SLC5A1: variants seen among roughly 807,000 people sequenced by gnomAD.
SLC5A1 encodes the protein sodium/glucose cotransporter 1.
In SLC5A1, 42 loss-of-function variants were observed where a neutral mutation model predicts 73.5. The ratio of observed to expected loss-of-function variants is 0.57; its 90% CI spans 0.45 to 0.74. The LOEUF (loss-of-function observed/expected upper bound fraction) is 0.74. Ranked by LOEUF, SLC5A1 falls within the 30% of genes least tolerant of loss-of-function variation. The pLI is 0.00. For missense variants in SLC5A1, 634 were observed against 855.4 expected, an observed-to-expected ratio of 0.74 and a Z score of 3.23; for synonymous variants, 300 against 317.4, an observed-to-expected ratio of 0.95 and a Z score of 0.58.
intron 2 of SLC5A1, among the ~76,000 whole-genome samples, chr22:32,052,208 G>A (rs561838882): frequency 3.3e-4 from 50 of 152,222 alleles, no homozygotes; most frequent in African/African-American, 1.2e-3. Flanking sequence ...AAATTTATGA[G>A]GCCAATTGGT....
rs540736998 is a variant in SLC5A1, at chr22:32,112,309, C to T, written c.*2096C>T. On this transcript the variant is annotated 3_prime_UTR_variant, in exon 15 of 15. Coordinates refer to ENST00000266088, the MANE Select transcript of SLC5A1 (RefSeq NM_000343.4). The stretch of plus-strand genomic sequence containing the variant: ...GACATTCTGCAGCAGGGAGGAGGGA[C>T]TGTCAACCCCTACACCATGACCACC... The T allele has an allele frequency of 1.3e-5, 2 of 152,262 alleles. No individual in the cohort carries two copies. Among genetic ancestry groups the T allele is most frequent in the South Asian group, 2.1e-4 (1 of 4,822 alleles). 9.4% of individuals were successfully genotyped at this position (152,262 alleles called of 1,614,324 possible).
Position 32,099,105 on chromosome 22 carries a change from AAT to A in SLC5A1, c.1281-52_1281-51del, listed in dbSNP as rs765568860. Reference sequence around the variant, plus strand: ...GTCTCAAAAAAAAAAAAAAAAAAAAAATATATATATATATATATATATATATA... The same window carrying A: ...GTCTCAAAAAAAAAAAAAAAAAAAAAATATATATATATATATATATATATA... On this transcript the variant is annotated intron_variant, in intron 11 of 14. Coordinates refer to ENST00000266088, the MANE Select transcript of SLC5A1 (RefSeq NM_000343.4). 248 of 57,616 alleles carry A rather than the reference AAT, an allele frequency of 4.3e-3. 6 individuals are homozygous for A. The highest frequency in any genetic ancestry group is 0.019 in the Middle Eastern group (2 of 106). 3.6% of individuals were successfully genotyped at this position (57,616 alleles called of 1,614,324 possible). A position where few individuals can be genotyped will look rare whatever the true frequency, so the allele number is the denominator to read the frequency against.
At position 32,043,509 on chromosome 22, in the gene SLC5A1, G is replaced by C. The variant is rs1422941862; in HGVS notation, c.135+93G>C. The C allele has an allele frequency of 7.3e-7, 1 of 1,366,316 alleles. No individual in the cohort carries two copies. The highest frequency in any genetic ancestry group is 1.9e-5 in the Admixed American group (1 of 52,712). The allele number at this position is 1,366,316 out of a possible 1,614,324, so 84.6% of individuals were successfully genotyped here. Reference sequence around the variant, plus strand: ...GCTGCAAGGGGCAGTAGGCTTAAGTGTCGGTGGAGGGGAGAGGAAATGACT... The same window carrying C: ...GCTGCAAGGGGCAGTAGGCTTAAGTCTCGGTGGAGGGGAGAGGAAATGACT... On this transcript the variant is annotated intron_variant, in intron 1 of 14. Coordinates refer to ENST00000266088, the MANE Select transcript of SLC5A1 (RefSeq NM_000343.4). The surrounding 1 kb of genome is among the most constrained non-coding windows in gnomAD (Gnocchi z 6.5).
chr22:32,102,296 AT>A (rs530224185), intron 13 of SLC5A1, 59 bp downstream of exon 13: 25 of 1,331,362 alleles, frequency 1.9e-5, no homozygotes, highest in Non-Finnish European at 2.2e-5. Flanking sequence ...ATGTTCTTTA[AT>A]TTTTTTTAAA....
intron 11 of SLC5A1, among the ~76,000 whole-genome samples, chr22:32,093,923 T>C (rs1376503513): frequency 6.6e-6 from 1 of 152,204 alleles, no homozygotes; most frequent in African/African-American, 2.4e-5. Context: ...CTTGTTCCAA[T>C]TCTCAGAGGG....
At chr22:32,047,896 C>T (rs189877957) in intron 1 of SLC5A1, among the ~76,000 whole-genome samples, 4 of 152,250 alleles carry the variant, frequency 2.6e-5, no homozygotes, top group Admixed American at 2.0e-4. Context: ...CATGGTGGCT[C>T]ATGCCTGTAA....
intron 14 of SLC5A1, among the ~76,000 whole-genome samples, chr22:32,105,418 T>C (rs1229107931): frequency 1.3e-5 from 2 of 151,738 alleles, no homozygotes; most frequent in East Asian, 3.9e-4. Context: ...CTCAGCCTCC[T>C]GAGTAGCTGG....
At chr22:32,082,990 T>G in intron 6 of SLC5A1, 84 bp from the exon 7 acceptor site, 2 of 1,220,542 alleles carry the variant, frequency 1.6e-6, no homozygotes, top group Non-Finnish European at 1.2e-6. Context: ...CCAGCAGAAG[T>G]AGAGGGTGGA....
At chr22:32,084,227 A>G (rs1357788367) in intron 7 of SLC5A1, among the ~76,000 whole-genome samples, 2 of 152,272 alleles carry the variant, frequency 1.3e-5, no homozygotes, top group Admixed American at 6.5e-5. Context: ...GGTCCCCATA[A>G]TAGCCCCCAA....
At chr22:32,045,447 T>C (rs2093935948) in intron 1 of SLC5A1, among the ~76,000 whole-genome samples, 1 of 152,230 alleles carries the variant, frequency 6.6e-6, no homozygotes, top group South Asian at 2.1e-4. Context: ...ATTGGATTTC[T>C]TCCAGTTTAT....
chr22:32,092,538 A>G (rs2094019709), intron 11 of SLC5A1, among the ~76,000 whole-genome samples: 1 of 152,200 alleles, frequency 6.6e-6, no homozygotes, highest in South Asian at 2.1e-4. Context: ...TGTTTTCCAT[A>G]GTGGTTGTAT....
chr22:32,109,670 G>C (rs1307619450), intron 14 of SLC5A1, among the ~76,000 whole-genome samples: 1 of 152,168 alleles, frequency 6.6e-6, no homozygotes, highest in Non-Finnish European at 1.5e-5. Flanking sequence ...TATTATTAAT[G>C]TGTCTTTATT....
chr22:32,091,877 C>A, intron 11 of SLC5A1, 115 bp downstream of exon 11: 1 of 996,518 alleles, frequency 1.0e-6, no homozygotes, highest in Non-Finnish European at 1.6e-6. Context: ...GGAATAATTT[C>A]TGTGGCTGGT....
chr22:32,043,409 G>T lies in SLC5A1; in HGVS notation c.128G>T (p.Gly43Val). Residue 43 changes from glycine to valine, a missense_variant, in exon 1 of 15, where the codon GGA (glycine) becomes GTA (valine). Transcript: ENST00000266088. The surrounding 1 kb of genome is among the most constrained non-coding windows in gnomAD (Gnocchi z 6.5). ...TACTTCGTGGTAGTGATGGCCGTCG[G>T]ACTGTGGGTATGCAGCGGGTTCTGG... Reference protein sequence around the residue: ...VIYFVVVMAVGLWAMFSTNRG... With the variant: ...VIYFVVVMAVVLWAMFSTNRG... 1 of 1,613,986 alleles carries T rather than the reference G, an allele frequency of 6.2e-7. No homozygotes were observed. Among genetic ancestry groups the T allele is most frequent in the Non-Finnish European group, 8.5e-7 (1 of 1,179,966 alleles).
At chr22:32,107,106 C>T (rs1013952693) in intron 14 of SLC5A1, among the ~76,000 whole-genome samples, 3 of 152,152 alleles carry the variant, frequency 2.0e-5, no homozygotes, top group African/African-American at 7.2e-5. Context: ...ACTGCAAATA[C>T]TGGAGAGAGC....
chr22:32,104,943 A>G lies in SLC5A1; in HGVS notation c.1771+52A>G, dbSNP rs535595773. On this transcript the variant is annotated intron_variant, in intron 14 of 14. Coordinates refer to ENST00000266088, the MANE Select transcript of SLC5A1 (RefSeq NM_000343.4). Reference sequence around the variant, plus strand: ...AAACCATAAAAGTTACTCCTACAACAACAAGACTTTACTGAAGTTCTTCCC... The same window carrying G: ...AAACCATAAAAGTTACTCCTACAACGACAAGACTTTACTGAAGTTCTTCCC... The G allele has an allele frequency of 9.5e-6, 12 of 1,258,350 alleles. No homozygotes were observed. The South Asian group carries it at 1.4e-4, about 15-fold the overall frequency. The allele number at this position is 1,258,350 out of a possible 1,614,324, so 77.9% of individuals were successfully genotyped here.
intron 11 of SLC5A1, 83 bp from the exon 12 acceptor site, chr22:32,099,100 A>AT (rs2094031414): frequency 2.8e-4 from 44 of 158,292 alleles, no homozygotes; most frequent in East Asian, 1.3e-3. Flanking sequence ...AAAAAAAAAA[A>AT]AAAAAATATA....
chr22:32,087,205 CG>C (rs1388122094), intron 10 of SLC5A1, among the ~76,000 whole-genome samples: 2 of 152,040 alleles, frequency 1.3e-5, no homozygotes, highest in African/African-American at 4.8e-5. Context: ...TTAATAGCAA[CG>C]TATTGTATAC....
At chr22:32,093,029 A>G (rs1218576671) in intron 11 of SLC5A1, among the ~76,000 whole-genome samples, 5 of 152,138 alleles carry the variant, frequency 3.3e-5, no homozygotes, top group Non-Finnish European at 7.4e-5. Flanking sequence ...TGGCTTGCCA[A>G]TTATCCCAGC....
Sources: gnomAD v4.1 joint callset for allele counts (sites outside exome capture counted in the v4.1 genomes callset) on GRCh38, gnomAD v4.1.1 for gene constraint, Gnocchi (gnomAD v3.1) non-coding constraint, MANE v1.5 for transcripts, NCBI Gene and HGNC (gene_info 2026-07-23, HGNC 2026-07-21) for gene names.